Variants in ACMSD observed in about 807,000 individuals in gnomAD.
ACMSD encodes the protein 2-amino-3-carboxymuconate-6-semialdehyde decarboxylase.
A neutral mutation model predicts 45.9 loss-of-function variants in ACMSD; 37 were observed. That is an observed-to-expected ratio of 0.81 (90% CI 0.62 to 1.06). The LOEUF (loss-of-function observed/expected upper bound fraction) is 1.06, where lower values mean the gene tolerates loss of function less well. ACMSD is among the 50% of genes least tolerant of loss of function. The pLI is 0.00. For synonymous variants in ACMSD, 138 were observed against 148.8 expected (o/e 0.93, Z 0.53); for missense variants, 434 against 420.9 (o/e 1.03, Z -0.27).
At chr2:134,850,656 A>T (rs936983844) in intron 2 of ACMSD, among the ~76,000 whole-genome samples, 1 of 113,390 alleles carries the variant, frequency 8.8e-6, no homozygotes, top group South Asian at 3.8e-4. Context: ...TTTTAAGAAT[A>T]ATTTATTATT....
At chr2:134,851,141 G>A (rs982349666) in intron 2 of ACMSD, among the ~76,000 whole-genome samples, 1 of 152,074 alleles carries the variant, frequency 6.6e-6, no homozygotes, top group African/African-American at 2.4e-5. Context: ...TATTTTTTAT[G>A]GCTGCATGGT....
At chr2:134,867,508 C>G in intron 5 of ACMSD, 71 bp from the exon 6 acceptor site, 1 of 1,254,204 alleles carries the variant, frequency 8.0e-7, no homozygotes, top group East Asian at 2.3e-5. Context: ...AGCAGTTTCC[C>G]CAAAACAGTA....
chr2:134,880,727 T>C (rs1002742614), intron 8 of ACMSD, among the ~76,000 whole-genome samples: 1 of 152,196 alleles, frequency 6.6e-6, no homozygotes, highest in African/African-American at 2.4e-5. Context: ...GTCTGTTTTT[T>C]AAAGTCTCGG....
intron 2 of ACMSD, among the ~76,000 whole-genome samples, chr2:134,856,623 A>G (rs1687590138): frequency 6.6e-6 from 1 of 152,184 alleles, no homozygotes; most frequent in South Asian, 2.1e-4. Flanking sequence ...CCATTTGTAT[A>G]TCTATTCTGA....
intron 5 of ACMSD, among the ~76,000 whole-genome samples, chr2:134,866,340 T>C (rs981030741): frequency 2.0e-5 from 3 of 152,150 alleles, no homozygotes; most frequent in African/African-American, 7.2e-5. Flanking sequence ...TAGAATAAAC[T>C]TGTATCCAAA....
intron 6 of ACMSD, among the ~76,000 whole-genome samples, chr2:134,869,205 C>T (rs1268959575): frequency 1.3e-5 from 2 of 149,428 alleles, no homozygotes; most frequent in Non-Finnish European, 1.5e-5. Flanking sequence ...CCCACAAGCT[C>T]ATTTATTTAT....
chr2:134,877,706 G>GC (rs1054449986), intron 8 of ACMSD: 4 of 145,728 alleles, frequency 2.7e-5, no homozygotes, highest in African/African-American at 1.0e-4. Context: ...GAAGAGGGGG[G>GC]GGAAAAGAGA....
At chr2:134,857,228 A>C (rs1687625661) in intron 2 of ACMSD, among the ~76,000 whole-genome samples, 1 of 152,152 alleles carries the variant, frequency 6.6e-6, no homozygotes, top group Non-Finnish European at 1.5e-5. Flanking sequence ...TCATGAGGTC[A>C]GAAGTTCAAG....
At chr2:134,863,690 G>A (rs186720463) in intron 5 of ACMSD, 59 bp downstream of exon 5, 747 of 1,556,962 alleles carry the variant, frequency 4.8e-4, no homozygotes, top group Middle Eastern at 1.7e-3. Flanking sequence ...CGGGGGCACC[G>A]CTGGGTGCTG....
At chr2:134,867,345 A>G in intron 5 of ACMSD, 3 of 332,136 alleles carry the variant, frequency 9.0e-6, no homozygotes, top group Non-Finnish European at 1.6e-5. Flanking sequence ...CATCAACCTC[A>G]ATGGTAAATC....
chr2:134,887,790 T>C (rs772149739), intron 8 of ACMSD, among the ~76,000 whole-genome samples: 18 of 152,156 alleles, frequency 1.2e-4, no homozygotes, highest in Non-Finnish European at 2.1e-4. Flanking sequence ...TTTTCACAAA[T>C]GGTGCTGAAG....
rs1482300208 is a variant in ACMSD, at chr2:134,871,122, A to G, written c.676+62A>G. 23 of 1,393,146 alleles carry G rather than the reference A, an allele frequency of 1.7e-5. No individual in the cohort carries two copies. In the South Asian group the frequency reaches 2.7e-4, roughly 17 times the overall value. The allele number at this position is 1,393,146 out of a possible 1,614,324, so 86.3% of individuals were successfully genotyped here. ...ACAACAAAATCCCACAGATGGGGTG[A>G]CTGTAAGAAAACAGAAATTTATTTT... On this transcript the variant is annotated intron_variant, in intron 7 of 9. Transcript: ENST00000356140.
intron 1 of ACMSD, among the ~76,000 whole-genome samples, chr2:134,843,532 G>A (rs1448585216): frequency 2.0e-5 from 3 of 152,106 alleles, no homozygotes; most frequent in Non-Finnish European, 4.4e-5. Context: ...CCTCAGTCTA[G>A]TGGTGAAGGG....
intron 8 of ACMSD, among the ~76,000 whole-genome samples, chr2:134,893,542 C>T (rs1443098211): frequency 6.6e-6 from 1 of 152,138 alleles, no homozygotes; most frequent in African/African-American, 2.4e-5. Flanking sequence ...CCCTGTCTCT[C>T]TCTGCCTCTT....
At chr2:134,860,091 T>C (rs1225775890) in intron 3 of ACMSD, among the ~76,000 whole-genome samples, 4 of 152,162 alleles carry the variant, frequency 2.6e-5, no homozygotes, top group African/African-American at 7.2e-5. Context: ...GGCAAAACCC[T>C]ATTTCTACTA....
In ACMSD at chr2:134,849,180, ATTTTG is replaced by A. The variant is rs1301276853; in HGVS notation, c.102+3908_102+3912del. Among the ~76,000 whole-genome samples the A allele has an allele frequency of 4.0e-5, 6 of 151,786 alleles. No individual in the cohort carries two copies. The East Asian group carries it at 1.2e-3, about 29-fold the overall frequency. On this transcript the variant is annotated intron_variant, in intron 2 of 9. Transcript: ENST00000356140. Reference sequence around the variant, plus strand: ...AGTGGATTTGAATGGCCTTCATTTCATTTTGTTTTAATATCAAGAAATTTCATAAA... The same window carrying A: ...AGTGGATTTGAATGGCCTTCATTTCATTTTAATATCAAGAAATTTCATAAA...
intron 8 of ACMSD, among the ~76,000 whole-genome samples, chr2:134,884,894 T>G (rs1689234509): frequency 6.6e-6 from 1 of 152,078 alleles, no homozygotes; most frequent in African/African-American, 2.4e-5. Context: ...ATTTAAAATA[T>G]ATTTAATATT....
intron 5 of ACMSD, among the ~76,000 whole-genome samples, chr2:134,867,106 T>C (rs1464372810): frequency 6.6e-6 from 1 of 152,188 alleles, no homozygotes; most frequent in African/African-American, 2.4e-5. Context: ...AAACTCTGGT[T>C]TCCAAGTGGG....
intron 2 of ACMSD, among the ~76,000 whole-genome samples, 165 bp downstream of exon 2, chr2:134,845,442 A>G (rs1028173782): frequency 1.3e-5 from 2 of 152,006 alleles, no homozygotes; most frequent in Non-Finnish European, 2.9e-5. Context: ...TAATTGGGAA[A>G]AATGGAGGTG....
Sources: gnomAD v4.1 joint callset for allele counts (sites outside exome capture counted in the v4.1 genomes callset) on GRCh38, gnomAD v4.1.1 for gene constraint, MANE v1.5 for transcripts, NCBI Gene and HGNC (gene_info 2026-07-23, HGNC 2026-07-21) for gene names.